SCRG1: variants seen among roughly 807,000 people sequenced by gnomAD.
SCRG1 encodes the protein scrapie-responsive protein 1.
Under a neutral mutation model 7.7 loss-of-function variants are expected in SCRG1, and 3 were observed. The ratio of observed to expected loss-of-function variants is 0.39; its 90% CI spans 0.18 to 1.01. The LOEUF is 1.01. Ranked by LOEUF, SCRG1 falls within the 50% of genes least tolerant of loss-of-function variation. The pLI, the probability that SCRG1 is intolerant of heterozygous loss-of-function variation, is 0.36. For missense variants in SCRG1, 110 were observed against 117.2 expected, an observed-to-expected ratio of 0.94 and a Z score of 0.28; for synonymous variants, 46 against 41.2, an observed-to-expected ratio of 1.12 and a Z score of -0.44.
chr4:173,430,806 CAAAAAAAAAAAAAA>C, the SCRG1 span, among the ~76,000 whole-genome samples: 2 of 59,104 alleles, frequency 3.4e-5, no homozygotes, highest in Admixed American at 2.6e-4. Flanking sequence ...GACCCTGTCT[CAAAAAAAAAAAAAA>C]AAAAAAAAAA....
chr4:173,390,869 C>T (rs1267428943), intron 2 of SCRG1, among the ~76,000 whole-genome samples: 1 of 152,106 alleles, frequency 6.6e-6, no homozygotes, highest in African/African-American at 2.4e-5. Context: ...ACTTCTGCTA[C>T]TGGTAGATTT....
the SCRG1 span, among the ~76,000 whole-genome samples, chr4:173,511,071 A>C: frequency 2.0e-5 from 3 of 152,044 alleles, no homozygotes; most frequent in Non-Finnish European, 4.4e-5. This position sits in a 1 kb window ranked among gnomAD's most constrained non-coding sequence, Gnocchi z 5.2. Context: ...GATTCAAGCG[A>C]TTCTCCTACC....
the SCRG1 span, among the ~76,000 whole-genome samples, chr4:173,504,926 G>A: frequency 3.1e-4 from 47 of 152,354 alleles, 1 homozygote; most frequent in Admixed American, 2.2e-3. The surrounding 1 kb of genome is among the most constrained non-coding windows in gnomAD (Gnocchi z 4.7). Context: ...ATGCATGAAT[G>A]CAGTGCCACT....
chr4:173,445,037 G>A, the SCRG1 span, among the ~76,000 whole-genome samples: 1 of 151,872 alleles, frequency 6.6e-6, no homozygotes, highest in African/African-American at 2.4e-5. Context: ...TTCTCTATGG[G>A]GCAAAGTAAT....
chr4:173,483,940 TA>T, the SCRG1 span, among the ~76,000 whole-genome samples: 1 of 96,342 alleles, frequency 1.0e-5, no homozygotes, highest in East Asian at 3.3e-4. Flanking sequence ...ATATATAATA[TA>T]AATCATATAT....
chr4:173,499,416 A>G, the SCRG1 span, among the ~76,000 whole-genome samples: 3 of 152,366 alleles, frequency 2.0e-5, no homozygotes, highest in Admixed American at 2.0e-4. This position sits in a 1 kb window ranked among gnomAD's most constrained non-coding sequence, Gnocchi z 4.1. Flanking sequence ...AGTGGTTTAG[A>G]TAACAGTAGT....
chr4:173,452,568 A>C, the SCRG1 span, among the ~76,000 whole-genome samples: 1 of 152,190 alleles, frequency 6.6e-6, no homozygotes, highest in South Asian at 2.1e-4. Flanking sequence ...TTTAGAGGCA[A>C]TTAGGCATCC....
At position 173,386,591 on chromosome 4, in the gene SCRG1, A is replaced by G. The variant is rs1233271585; in HGVS notation, c.*1750T>C. On this transcript the variant is annotated 3_prime_UTR_variant, in exon 3 of 3. Coordinates refer to ENST00000296506, the MANE Select transcript of SCRG1 (RefSeq NM_007281.4). ...GCCCAGTAACACTTACTAAACACAGATTAGATACCAGATACTGTTCTGGGT... is the reference window on the plus strand; with the variant it reads ...GCCCAGTAACACTTACTAAACACAGGTTAGATACCAGATACTGTTCTGGGT... 1.3e-5 allele frequency: 2 copies of G among 152,214 alleles called. No individual in the cohort carries two copies. Among genetic ancestry groups the G allele is most frequent in the Admixed American group, 1.3e-4 (2 of 15,290 alleles). 9.4% of individuals were successfully genotyped at this position (152,214 alleles called of 1,614,324 possible). A position where few individuals can be genotyped will look rare whatever the true frequency, so the allele number is the denominator to read the frequency against.
At chr4:173,428,842 A>T in the SCRG1 span, among the ~76,000 whole-genome samples, 1 of 152,226 alleles carries the variant, frequency 6.6e-6, no homozygotes, top group Non-Finnish European at 1.5e-5. Context: ...CATTGCTAAA[A>T]TTCAAAAATC....
chr4:173,459,364 C>CAAA, the SCRG1 span, among the ~76,000 whole-genome samples: 1 of 152,092 alleles, frequency 6.6e-6, no homozygotes, highest in Non-Finnish European at 1.5e-5. Context: ...TCTTAGGCCA[C>CAAA]AAAACAAGTC....
the SCRG1 span, among the ~76,000 whole-genome samples, chr4:173,448,740 G>C: frequency 3.9e-5 from 6 of 152,174 alleles, no homozygotes; most frequent in Non-Finnish European, 8.8e-5. Context: ...AAAGTATGCA[G>C]CTGATGATTT....
At chr4:173,483,544 AAT>A in the SCRG1 span, among the ~76,000 whole-genome samples, 1 of 35,622 alleles carries the variant, frequency 2.8e-5, no homozygotes, top group African/African-American at 7.0e-5. Context: ...TATGATATAT[AAT>A]ATATATTATA....
At chr4:173,484,674 T>G in the SCRG1 span, among the ~76,000 whole-genome samples, 1 of 47,930 alleles carries the variant, frequency 2.1e-5, no homozygotes, top group Non-Finnish European at 3.6e-5. Flanking sequence ...TATAACATGA[T>G]GTATAATATA....
At chr4:173,497,264 C>G in the SCRG1 span, among the ~76,000 whole-genome samples, 1 of 152,202 alleles carries the variant, frequency 6.6e-6, no homozygotes, top group Admixed American at 6.5e-5. Flanking sequence ...CTATTCCTCT[C>G]TAGGACAACA....
the SCRG1 span, among the ~76,000 whole-genome samples, chr4:173,496,307 A>G: frequency 6.6e-6 from 1 of 152,066 alleles, no homozygotes; most frequent in African/African-American, 2.4e-5. Context: ...TTGTCATGCT[A>G]AGGTAGGGGG....
At chr4:173,399,504 G>GTGTC (rs1739701793), upstream of SCRG1, 1 of 37,144 alleles carries the variant, frequency 2.7e-5, no homozygotes, top group African/African-American at 5.2e-5. Flanking sequence ...GTGTGTCTGT[G>GTGTC]TGTGAGAGAG....
At chr4:173,395,388 T>C (rs539157205) in intron 1 of SCRG1, among the ~76,000 whole-genome samples, 1 of 152,362 alleles carries the variant, frequency 6.6e-6, no homozygotes, top group East Asian at 1.9e-4. Context: ...TCTTATGTTG[T>C]CTAAAAGAAT....
the SCRG1 span, among the ~76,000 whole-genome samples, chr4:173,485,865 G>A: frequency 2.6e-5 from 4 of 152,078 alleles, no homozygotes; most frequent in Non-Finnish European, 5.9e-5. Flanking sequence ...AGCTACTCGC[G>A]AGGCTGAGGC....
upstream of SCRG1, among the ~76,000 whole-genome samples, chr4:173,400,740 G>A (rs368028707): frequency 1.3e-5 from 2 of 152,180 alleles, no homozygotes; most frequent in East Asian, 3.9e-4. Context: ...TATAAACGAG[G>A]GGAACATCAG....
Sources: gnomAD v4.1 joint callset for allele counts (sites outside exome capture counted in the v4.1 genomes callset) on GRCh38, gnomAD v4.1.1 for gene constraint, Gnocchi (gnomAD v3.1) non-coding constraint, MANE v1.5 for transcripts, NCBI Gene and HGNC (gene_info 2026-07-23, HGNC 2026-07-21) for gene names.